CFAP47: variants seen among roughly 807,000 people sequenced by gnomAD.
CFAP47 encodes cilia- and flagella-associated protein 47.
A neutral mutation model predicts 148.1 loss-of-function variants in CFAP47; 29 were observed. The observed-to-expected ratio is 0.20, with a 90% CI of 0.15 to 0.27. The LOEUF (loss-of-function observed/expected upper bound fraction) is 0.27, where lower values mean the gene tolerates loss of function less well. Among genes scored for constraint, CFAP47 ranks in the 10% least tolerant of loss-of-function variants. The pLI is 1.00. For synonymous variants in CFAP47, 664 were observed against 577.3 expected (o/e 1.15, Z -2.15); for missense variants, 1,872 against 1,697.5 (o/e 1.10, Z -1.81).
chrX:36,236,365 G>T (rs868993377), intron 47 of CFAP47, among the ~76,000 whole-genome samples: 2 of 111,970 alleles, frequency 1.8e-5, no homozygotes, highest in Middle Eastern at 4.9e-3. Context: ...ATTCATTAAA[G>T]AAATTGGTGT....
intron 35 of CFAP47, 131 bp from the exon 36 acceptor site, chrX:36,145,076 CGTGTGTGTGTGT>C (rs199883553): frequency 1.4e-4 from 40 of 294,055 alleles, no homozygotes; most frequent in Non-Finnish European, 2.2e-4. Flanking sequence ...TATATATATG[CGTGTGTGTGTGT>C]GTGTGTGTGT....
chrX:36,093,205 C>G (rs1246975788), intron 30 of CFAP47, among the ~76,000 whole-genome samples: 1 of 111,235 alleles, frequency 9.0e-6, no homozygotes, highest in Non-Finnish European at 1.9e-5. Flanking sequence ...TGTGAACAAA[C>G]CTGCACAAAT....
At chrX:35,924,399 GCACACACATATGTGTATA>G (rs1235903368) in intron 1 of CFAP47, among the ~76,000 whole-genome samples, 1 of 102,371 alleles carries the variant, frequency 9.8e-6, no homozygotes, top group Non-Finnish European at 2.0e-5. Flanking sequence ...GTGTATATAT[GCACACACATATGTGTATA>G]TGCACACATA....
At chrX:36,175,267 C>T (rs1051026834) in intron 39 of CFAP47, among the ~76,000 whole-genome samples, 1 of 111,733 alleles carries the variant, frequency 8.9e-6, no homozygotes, top group Non-Finnish European at 1.9e-5. Flanking sequence ...TAGCTCAGAG[C>T]AATTTGATCG....
At chrX:36,343,756 G>A (rs1246141670) in intron 57 of CFAP47, among the ~76,000 whole-genome samples, 2 of 111,407 alleles carry the variant, frequency 1.8e-5, no homozygotes, top group Non-Finnish European at 3.8e-5. Flanking sequence ...TATTGTGAAG[G>A]GCAATGGGAA....
At chrX:36,193,543 G>A (rs1460398185) in intron 42 of CFAP47, among the ~76,000 whole-genome samples, 1 of 110,570 alleles carries the variant, frequency 9.0e-6, no homozygotes, top group Non-Finnish European at 1.9e-5. Flanking sequence ...CTCCCTACAG[G>A]TAACACCCCT....
intron 1 of CFAP47, among the ~76,000 whole-genome samples, chrX:35,924,513 A>C (rs759609788): frequency 9.7e-6 from 1 of 103,363 alleles, no homozygotes; most frequent in South Asian, 4.1e-4. Flanking sequence ...AGGTGCACAT[A>C]TATGTGTATA....
intron 57 of CFAP47, among the ~76,000 whole-genome samples, chrX:36,341,995 T>TA (rs782091680): frequency 1.7e-3 from 190 of 110,679 alleles, no homozygotes; most frequent in Middle Eastern, 0.01. Flanking sequence ...TGGAAATGGA[T>TA]AAAAAAAGAA....
At chrX:36,027,168 TTA>T (rs753461443) in intron 22 of CFAP47, among the ~76,000 whole-genome samples, 4 of 104,403 alleles carry the variant, frequency 3.8e-5, no homozygotes, top group East Asian at 2.9e-4. Context: ...ATATATGTGA[TTA>T]TATATATATG....
chrX:35,974,871 G>C (rs1190996711), intron 13 of CFAP47, among the ~76,000 whole-genome samples: 4 of 110,716 alleles, frequency 3.6e-5, no homozygotes, highest in Non-Finnish European at 7.6e-5. Context: ...AAGGTGCTAA[G>C]ATAAGTTGTA....
chrX:36,271,578 C>G (rs5973629), intron 49 of CFAP47, among the ~76,000 whole-genome samples: 12,013 of 111,218 alleles, frequency 0.11, 888 homozygotes, highest in African/African-American at 0.26. Flanking sequence ...TACTTCAAAA[C>G]ATTTATGAAA....
chrX:35,924,293 G>A (rs1435448285), intron 1 of CFAP47, among the ~76,000 whole-genome samples: 1 of 105,368 alleles, frequency 9.5e-6, no homozygotes, highest in Non-Finnish European at 1.9e-5. Flanking sequence ...GTACATGTAT[G>A]TGTACACATA....
intron 51 of CFAP47, among the ~76,000 whole-genome samples, chrX:36,286,365 A>G (rs868951785): frequency 1.8e-5 from 2 of 109,977 alleles, no homozygotes; most frequent in Middle Eastern, 4.8e-3. Context: ...AAATATGTGG[A>G]TAGATTTCTT....
chrX:36,358,601 C>T (rs1224190074), intron 60 of CFAP47, among the ~76,000 whole-genome samples: 1 of 111,769 alleles, frequency 8.9e-6, no homozygotes, highest in African/African-American at 3.3e-5. Context: ...ATGCTAATCA[C>T]TAGTAGTCTA....
chrX:36,354,696 A>G lies in CFAP47; in HGVS notation c.8851+1015A>G, dbSNP rs906224751. Among the ~76,000 whole-genome samples, 11 of 110,129 alleles carry G rather than the reference A, an allele frequency of 1.0e-4. 1 individual carries two copies. Among genetic ancestry groups the G allele is most frequent in the African/African-American group, 3.6e-4 (11 of 30,260 alleles). ...AATAATTCCCTTCGTAAGACAACAG[A>G]AACTAATTGAAAGTTTCTTGCACTT... On this transcript the variant is annotated intron_variant, in intron 60 of 63. Coordinates refer to ENST00000378653, the MANE Select transcript of CFAP47 (RefSeq NM_001304548.2).
chrX:36,226,966 T>G (rs1243708170), intron 45 of CFAP47, among the ~76,000 whole-genome samples: 1 of 111,689 alleles, frequency 9.0e-6, no homozygotes, highest in South Asian at 3.7e-4. Flanking sequence ...AATAGAATTC[T>G]ATTTAAATTA....
intron 42 of CFAP47, among the ~76,000 whole-genome samples, chrX:36,190,915 T>C (rs781956672): frequency 9.0e-6 from 1 of 111,641 alleles, no homozygotes; most frequent in Non-Finnish European, 1.9e-5. Context: ...CCCCAGGATG[T>C]AGTCCCAAAT....
At position 36,177,448 on chromosome X, in the gene CFAP47, A is replaced by G. The variant is rs139491659; in HGVS notation, c.6027-1897A>G. On this transcript the variant is annotated intron_variant, in intron 39 of 63. Transcript: ENST00000378653. ...ATGTTGGAATATTCTTCTGCCTCAT[A>G]ATTTTATGAAATTTAGATGAGAATT... Among the ~76,000 whole-genome samples the G allele has an allele frequency of 7.0e-3, 786 of 111,752 alleles. 16 individuals carry two copies. The highest frequency in any genetic ancestry group is 0.024 in the African/African-American group (748 of 30,814).
intron 53 of CFAP47, among the ~76,000 whole-genome samples, chrX:36,301,854 CAAGT>C (rs1180881998): frequency 2.7e-5 from 3 of 110,643 alleles, no homozygotes; most frequent in East Asian, 5.7e-4. Context: ...TACTATTTAT[CAAGT>C]TTGGTGCTGG....
Sources: allele counts gnomAD v4.1 joint callset (sites outside exome capture counted in the v4.1 genomes callset), GRCh38; gene constraint gnomAD v4.1.1; transcripts MANE v1.5; gene names NCBI Gene and HGNC (gene_info 2026-07-23, HGNC 2026-07-21).